The following SCAMP1 variants were observed in gnomAD, a reference collection of about 807,000 sequenced individuals.
SCAMP1 encodes the protein secretory carrier-associated membrane protein 1.
Under a neutral mutation model 41.8 loss-of-function variants are expected in SCAMP1, and 15 were observed. The ratio of observed to expected loss-of-function variants is 0.36; its 90% CI spans 0.24 to 0.55. SCAMP1 has a LOEUF of 0.55. Ranked by LOEUF, SCAMP1 falls within the 20% of genes least tolerant of loss-of-function variation. The pLI is 0.86. For missense variants in SCAMP1, 341 were observed against 412.6 expected (o/e 0.83, Z 1.50); for synonymous variants, 135 against 136.8 (o/e 0.99, Z 0.09).
intron 1 of SCAMP1, among the ~76,000 whole-genome samples, chr5:78,382,332 G>A (rs536846746): frequency 3.4e-4 from 52 of 152,140 alleles, no homozygotes; most frequent in Non-Finnish European, 6.5e-4. Flanking sequence ...CTTTTCACAT[G>A]AATTACATAG....
chr5:78,391,104 TC>T (rs1751482082), intron 2 of SCAMP1, among the ~76,000 whole-genome samples: 2 of 47,064 alleles, frequency 4.2e-5, no homozygotes, highest in South Asian at 9.7e-4. Flanking sequence ...TCCCCACCTT[TC>T]CCCCCTTTCC....
intron 1 of SCAMP1, among the ~76,000 whole-genome samples, chr5:78,363,219 CTT>C (rs202225865): frequency 7.3e-6 from 1 of 137,654 alleles, no homozygotes; most frequent in Non-Finnish European, 1.6e-5. Context: ...TTCTTTCTTT[CTT>C]TTTTTTTTTG....
At chr5:78,395,390 T>C (rs1751626539) in intron 2 of SCAMP1, among the ~76,000 whole-genome samples, 1 of 152,210 alleles carries the variant, frequency 6.6e-6, no homozygotes. Flanking sequence ...TTGGCTTCTC[T>C]AGGTATGTTT....
At chr5:78,451,882 T>A (rs1374106378) in intron 7 of SCAMP1, among the ~76,000 whole-genome samples, 1 of 152,240 alleles carries the variant, frequency 6.6e-6, no homozygotes, top group Non-Finnish European at 1.5e-5. Context: ...CTTGAAGTCC[T>A]GGCCTCGTGT....
At chr5:78,363,199 T>TTTTC (rs1192901986) in intron 1 of SCAMP1, among the ~76,000 whole-genome samples, 53 of 138,606 alleles carry the variant, frequency 3.8e-4, no homozygotes, top group South Asian at 7.2e-4. Flanking sequence ...AGCAGATCGT[T>TTTTC]TTTCTTTCTT....
chr5:78,365,472 CAAAAAAAAAAA>C (rs35765310), intron 1 of SCAMP1, among the ~76,000 whole-genome samples: 2 of 55,564 alleles, frequency 3.6e-5, no homozygotes, highest in South Asian at 1.6e-3. Flanking sequence ...AGACTCATCT[CAAAAAAAAAAA>C]AAAAAAAAAA....
At chr5:78,409,090 CA>C (rs1210952911) in intron 2 of SCAMP1, among the ~76,000 whole-genome samples, 1 of 152,152 alleles carries the variant, frequency 6.6e-6, no homozygotes, top group Admixed American at 6.6e-5. Flanking sequence ...GGGATCTTGT[CA>C]ATCCCTTACC....
At chr5:78,417,705 C>T (rs1389167260) in intron 4 of SCAMP1, among the ~76,000 whole-genome samples, 10 of 152,116 alleles carry the variant, frequency 6.6e-5, no homozygotes, top group African/African-American at 1.7e-4. Context: ...TTGCCCAAGG[C>T]GACCTTGCCA....
At chr5:78,382,366 ATATG>A (rs1338342043) in intron 1 of SCAMP1, among the ~76,000 whole-genome samples, 1 of 152,130 alleles carries the variant, frequency 6.6e-6, no homozygotes, top group Non-Finnish European at 1.5e-5. Flanking sequence ...GATATTCATT[ATATG>A]TATATACTTT....
At chr5:78,373,622 C>T (rs1277742011) in intron 1 of SCAMP1, among the ~76,000 whole-genome samples, 1 of 152,148 alleles carries the variant, frequency 6.6e-6, no homozygotes, top group Admixed American at 6.5e-5. Context: ...CTTGCCACTG[C>T]TCTATCTTTA....
In SCAMP1 at chr5:78,378,525, A is replaced by C. The variant is rs982019738; in HGVS notation, c.58-10312A>C. Among the ~76,000 whole-genome samples, 3 of 152,246 alleles carry C rather than the reference A, an allele frequency of 2.0e-5. No homozygotes were observed. In the East Asian group the frequency reaches 5.8e-4, roughly 29 times the overall value. ...ATTTGGTAGAGAAACCTAGTATTGA[A>C]GATATAAACTAATTGTGCTAGATGT... On this transcript the variant is annotated intron_variant, in intron 1 of 8. Coordinates refer to ENST00000621999, the MANE Select transcript of SCAMP1 (RefSeq NM_004866.6).
intron 2 of SCAMP1, among the ~76,000 whole-genome samples, chr5:78,402,662 C>G (rs2112112395): frequency 6.6e-6 from 1 of 152,216 alleles, no homozygotes; most frequent in East Asian, 1.9e-4. Context: ...CTGTTTACTT[C>G]TAATCCATAT....
chr5:78,424,744 A>G (rs992695752), intron 6 of SCAMP1, among the ~76,000 whole-genome samples: 4 of 152,320 alleles, frequency 2.6e-5, no homozygotes, highest in African/African-American at 9.6e-5. Flanking sequence ...AAAACAACAA[A>G]AAAACCCCAA....
intron 3 of SCAMP1, 92 bp downstream of exon 3, chr5:78,415,710 A>G (rs994973114): frequency 5.2e-6 from 4 of 774,108 alleles, no homozygotes; most frequent in Middle Eastern, 3.3e-4. Flanking sequence ...ATATGGTTAC[A>G]TTTCTGTTGC....
chr5:78,377,168 A>C (rs1014632758), intron 1 of SCAMP1, among the ~76,000 whole-genome samples: 3 of 152,158 alleles, frequency 2.0e-5, no homozygotes, highest in African/African-American at 7.2e-5. Context: ...TCTGTAACAC[A>C]AAGTCATTTC....
At chr5:78,379,290 TTAG>T (rs1386490156) in intron 1 of SCAMP1, among the ~76,000 whole-genome samples, 2 of 152,214 alleles carry the variant, frequency 1.3e-5, no homozygotes, top group Admixed American at 1.3e-4. Flanking sequence ...TGCTGAATAC[TTAG>T]TAGGCGTCAA....
At chr5:78,451,855 A>G (rs746659305) in intron 7 of SCAMP1, among the ~76,000 whole-genome samples, 1 of 152,274 alleles carries the variant, frequency 6.6e-6, no homozygotes, top group African/African-American at 2.4e-5. Flanking sequence ...GGATTTCGCC[A>G]TGTTGCCCAG....
In SCAMP1 at chr5:78,465,414, C is replaced by T. The variant is rs151053495; in HGVS notation, c.852+6052C>T. On this transcript the variant is annotated intron_variant, in intron 8 of 8. Coordinates refer to ENST00000621999, the MANE Select transcript of SCAMP1 (RefSeq NM_004866.6). ...GTGTCCTCAACTGTACTCCAAGCTG[C>T]GTGAGAGTGGAGACCTGTTCTGTAT... 5.5e-3 allele frequency among the ~76,000 whole-genome samples: 832 copies of T among 152,288 alleles called. 4 individuals carry two copies. The highest frequency in any genetic ancestry group is 0.019 in the African/African-American group (786 of 41,556).
intron 6 of SCAMP1, among the ~76,000 whole-genome samples, chr5:78,446,502 G>C (rs1225349789): frequency 7.1e-6 from 1 of 141,310 alleles, no homozygotes; most frequent in Non-Finnish European, 1.6e-5. Flanking sequence ...AACTCTAAGT[G>C]AAAAAAATAT....
Sources: allele counts gnomAD v4.1 joint callset (sites outside exome capture counted in the v4.1 genomes callset), GRCh38; gene constraint gnomAD v4.1.1; transcripts MANE v1.5; gene names NCBI Gene and HGNC (gene_info 2026-07-23, HGNC 2026-07-21).